CACNB3: variants seen among roughly 807,000 people sequenced by gnomAD.
The protein encoded by CACNB3 is voltage-dependent L-type calcium channel subunit beta-3.
A neutral mutation model predicts 63.7 loss-of-function variants in CACNB3; 36 were observed. That is an observed-to-expected ratio of 0.57 (90% CI 0.43 to 0.75). CACNB3 has a LOEUF of 0.75. Among genes scored for constraint, CACNB3 ranks in the 30% least tolerant of loss-of-function variants. CACNB3 has a pLI of 0.00. For missense variants in CACNB3, 493 were observed against 648.6 expected (o/e 0.76, Z 2.61); for synonymous variants, 241 against 250.6 (o/e 0.96, Z 0.36).
At chr12:48,820,130 C>T (rs1353868850) in intron 1 of CACNB3, 2 of 156,618 alleles carry the variant, frequency 1.3e-5, no homozygotes, top group African/African-American at 4.8e-5. Flanking sequence ...TGGTCTCCTT[C>T]TGGGCCCAAT....
chr12:48,824,024 G>A, intron 3 of CACNB3: 1 of 678,926 alleles, frequency 1.5e-6, no homozygotes. Flanking sequence ...TGTCAAGTGA[G>A]CAGTTAGATT....
At chr12:48,819,943 G>GTC (rs1326421292) in intron 1 of CACNB3, 2 of 304,412 alleles carry the variant, frequency 6.6e-6, no homozygotes, top group Non-Finnish European at 1.3e-5. Flanking sequence ...CAAATGTCCT[G>GTC]TAAGAAGGCC....
In CACNB3 at chr12:48,823,088, A is replaced by G. The variant is rs1216873223; in HGVS notation, c.46-256A>G. Among the ~76,000 whole-genome samples, 2 of 152,202 alleles carry G rather than the reference A, an allele frequency of 1.3e-5. No homozygotes were observed. Among genetic ancestry groups the G allele is most frequent in the African/African-American group, 4.8e-5 (2 of 41,452 alleles). On this transcript the variant is annotated intron_variant, in intron 1 of 12. Transcript: ENST00000301050. This position sits in a 1 kb window ranked among gnomAD's most constrained non-coding sequence, Gnocchi z 4.2. ...GAGGAAAGAGAGAAGTGAAGGCTCT[A>G]TTCAAAGCTGCAGTATTAATAGGCT...
At position 48,818,720 on chromosome 12, in the gene CACNB3, G is replaced by A. The variant is rs570220027; in HGVS notation, c.-210G>A. On this transcript the variant is annotated 5_prime_UTR_variant, in exon 1 of 13. Coordinates refer to ENST00000301050, the MANE Select transcript of CACNB3 (RefSeq NM_000725.4). The surrounding 1 kb of genome is among the most constrained non-coding windows in gnomAD (Gnocchi z 4.3). ...GCTCGGGGTGGGACCGGCTGGGTTT[G>A]GGGGGGTGGGGTGGGGGGAGCGGTG... is the stretch of plus-strand genomic sequence containing the variant. The A allele has an allele frequency of 1.6e-6, 2 of 1,271,702 alleles. No individual in the cohort carries two copies. The highest frequency in any genetic ancestry group is 2.0e-6 in the Non-Finnish European group (2 of 1,009,566). 78.8% of individuals were successfully genotyped at this position (1,271,702 alleles called of 1,614,324 possible). A position where few individuals can be genotyped will look rare whatever the true frequency, so the allele number is the denominator to read the frequency against.
At chr12:48,817,521 A>C (rs560424824), upstream of CACNB3, among the ~76,000 whole-genome samples, 10 of 152,348 alleles carry the variant, frequency 6.6e-5, no homozygotes, top group East Asian at 1.9e-3. Flanking sequence ...AAAGGTAGGC[A>C]GTCAAAAATC....
chr12:48,815,986 T>C (rs1383966486), upstream of CACNB3, among the ~76,000 whole-genome samples: 1 of 152,042 alleles, frequency 6.6e-6, no homozygotes, highest in Non-Finnish European at 1.5e-5. Context: ...AAAAAGGGGC[T>C]AGATTACAAG....
intron 1 of CACNB3, among the ~76,000 whole-genome samples, chr12:48,822,764 G>A (rs1937921058): frequency 6.6e-6 from 1 of 152,198 alleles, no homozygotes; most frequent in African/African-American, 2.4e-5. Context: ...CCCTGGAAGG[G>A]TAAGGGCTCA....
upstream of CACNB3, chr12:48,814,807 C>T (rs2137429040): frequency 2.6e-6 from 1 of 388,874 alleles, no homozygotes; most frequent in South Asian, 1.0e-4. The surrounding 1 kb of genome is among the most constrained non-coding windows in gnomAD (Gnocchi z 6.9). Context: ...GGACCGGACA[C>T]CAGGCGGTGC....
chr12:48,822,033 G>A (rs1937875558), intron 1 of CACNB3, among the ~76,000 whole-genome samples: 1 of 152,134 alleles, frequency 6.6e-6, no homozygotes, highest in Non-Finnish European at 1.5e-5. Flanking sequence ...CTGAGAGTCT[G>A]GCCTCTGCTG....
At chr12:48,815,728 G>T, upstream of CACNB3, 1 of 1,464,248 alleles carries the variant, frequency 6.8e-7, no homozygotes, top group African/African-American at 1.4e-5. Context: ...TGCTGAACGA[G>T]GTAACCGTGG....
In CACNB3 at chr12:48,828,157, C is replaced by T. The variant is rs1592195805; in HGVS notation, c.*258C>T. 2 of 545,320 alleles carry T rather than the reference C, an allele frequency of 3.7e-6. No homozygotes were observed. Among genetic ancestry groups the T allele is most frequent in the Non-Finnish European group, 3.3e-6 (1 of 302,010 alleles). 33.8% of individuals were successfully genotyped at this position (545,320 alleles called of 1,614,324 possible). A position where few individuals can be genotyped will look rare whatever the true frequency, so the allele number is the denominator to read the frequency against. On this transcript the variant is annotated 3_prime_UTR_variant, in exon 13 of 13. Transcript: ENST00000301050. ...TGTGTTCTGCACCCCTGGCACCTTC[C>T]TCTCCTCCCACACAGGAAGCTGCCC...
In CACNB3 at chr12:48,823,643, A is replaced by T; in HGVS notation, c.169-38A>T. ...CACTGAAGCTGGAAGGGGTGCTTCG[A>T]GCCTTCTCTCACTTGCACTAATGGG... On this transcript the variant is annotated intron_variant, in intron 2 of 12. Coordinates refer to ENST00000301050, the MANE Select transcript of CACNB3 (RefSeq NM_000725.4). The surrounding 1 kb of genome is among the most constrained non-coding windows in gnomAD (Gnocchi z 4.2). The T allele has an allele frequency of 3.1e-6, 5 of 1,613,914 alleles. No homozygotes were observed. Among genetic ancestry groups the T allele is most frequent in the Non-Finnish European group, 4.2e-6 (5 of 1,179,936 alleles).
chr12:48,818,890 C>G lies in CACNB3; in HGVS notation c.-40C>G. On this transcript the variant is annotated 5_prime_UTR_variant, in exon 1 of 13. Transcript: ENST00000301050. The surrounding 1 kb of genome is among the most constrained non-coding windows in gnomAD (Gnocchi z 4.3). ...CTTGCCCCTGCCTCCGGGCCGCTCC[C>G]GCCCCCGGCGCCGCTCGCTCCCCCG... is the stretch of plus-strand genomic sequence containing the variant. 6.5e-7 allele frequency: 1 copy of G among 1,545,166 alleles called. No individual in the cohort carries two copies. Among genetic ancestry groups the G allele is most frequent in the Non-Finnish European group, 8.7e-7 (1 of 1,144,998 alleles).
At chr12:48,820,908 C>G (rs1937815211) in intron 1 of CACNB3, 1 of 152,170 alleles carries the variant, frequency 6.6e-6, no homozygotes, top group South Asian at 2.1e-4. Context: ...CTAAATTAGG[C>G]CGCCAGCGGT....
At chr12:48,814,518 G>A (rs1453730946), upstream of CACNB3, 1 of 1,529,606 alleles carries the variant, frequency 6.5e-7, no homozygotes, top group Non-Finnish European at 8.7e-7. The surrounding 1 kb of genome is among the most constrained non-coding windows in gnomAD (Gnocchi z 6.9). Context: ...GACGCTGCCC[G>A]GCTTAGCTGG....
At chr12:48,818,412 T>C, upstream of CACNB3, 4 of 983,258 alleles carry the variant, frequency 4.1e-6, no homozygotes, top group Non-Finnish European at 4.8e-6. The surrounding 1 kb of genome is among the most constrained non-coding windows in gnomAD (Gnocchi z 4.3). Context: ...GAGTAGTTCC[T>C]GGGTTGCCGA....
chr12:48,816,939 G>A (rs2137433998), upstream of CACNB3: 1 of 985,482 alleles, frequency 1.0e-6, no homozygotes, highest in South Asian at 4.7e-5. Context: ...GCCCCTGAAA[G>A]AAGGAATTGA....
upstream of CACNB3, chr12:48,817,066 A>T (rs1223229448): frequency 1.1e-6 from 1 of 904,714 alleles, no homozygotes; most frequent in Non-Finnish European, 1.3e-6. Flanking sequence ...ACCAAACCCC[A>T]GTTGGTGCTG....
upstream of CACNB3, chr12:48,815,319 C>A: frequency 3.0e-6 from 1 of 328,974 alleles, no homozygotes; most frequent in Non-Finnish European, 5.9e-6. Context: ...AGGGAAGAAG[C>A]AGAGCGGCAG....
Sources: allele counts gnomAD v4.1 joint callset (sites outside exome capture counted in the v4.1 genomes callset), GRCh38; gene constraint gnomAD v4.1.1; non-coding constraint Gnocchi (gnomAD v3.1); transcripts MANE v1.5; gene names NCBI Gene and HGNC (gene_info 2026-07-23, HGNC 2026-07-21).